The following RGS21 variants were observed in gnomAD, a reference collection of about 807,000 sequenced individuals.
RGS21 encodes the protein regulator of G protein signaling 21.
A neutral mutation model predicts 18.7 loss-of-function variants in RGS21; 19 were observed. The ratio of observed to expected loss-of-function variants is 1.01; its 90% confidence interval spans 0.71 to 1.49. The LOEUF (loss-of-function observed/expected upper bound fraction) is 1.49. RGS21 is among the 40% of genes most tolerant of loss of function. The pLI, the probability that RGS21 is intolerant of heterozygous loss-of-function variation, is 0.00. For synonymous variants in RGS21, 56 were observed against 57.8 expected, an observed-to-expected ratio of 0.97 and a Z score of 0.14; for missense variants, 194 against 176.8, an observed-to-expected ratio of 1.10 and a Z score of -0.55.
chr1:192,324,547 G>A (rs1177038378), intron 1 of RGS21, among the ~76,000 whole-genome samples: 4 of 151,842 alleles, frequency 2.6e-5, no homozygotes, highest in Non-Finnish European at 5.9e-5. Context: ...TGATTATGTT[G>A]CACTTGGAAA....
Position 192,333,269 on chromosome 1 carries a change from TACAC to T in RGS21, c.-60-9677_-60-9674del, listed in dbSNP as rs137948736. Among the ~76,000 whole-genome samples the T allele has an allele frequency of 3.3e-3, 469 of 142,970 alleles. 1 individual carries two copies. Among genetic ancestry groups the T allele is most frequent in the East Asian group, 0.013 (62 of 4,906 alleles). 93.8% of individuals were successfully genotyped at this position (142,970 alleles called of 152,430 possible). A position where few individuals can be genotyped will look rare whatever the true frequency, so the allele number is the denominator to read the frequency against. The stretch of plus-strand genomic sequence containing the variant: ...GAAAATAATTTGGCAGTTTCTTAAA[TACAC>T]ACACACACACACACACACACACACA... On this transcript the variant is annotated intron_variant, in intron 1 of 4. Coordinates refer to ENST00000417209, the MANE Select transcript of RGS21 (RefSeq NM_001039152.3).
intron 1 of RGS21, among the ~76,000 whole-genome samples, chr1:192,317,722 T>C (rs1658439920): frequency 6.6e-6 from 1 of 152,014 alleles, no homozygotes; most frequent in South Asian, 2.1e-4. Flanking sequence ...TTCAACAATG[T>C]TTACAGTTTT....
intron 1 of RGS21, among the ~76,000 whole-genome samples, chr1:192,320,508 G>GTGTATGTGTATA (rs1658480629): frequency 7.6e-6 from 1 of 132,266 alleles, no homozygotes; most frequent in Non-Finnish European, 1.8e-5. Flanking sequence ...GAATGTGTAT[G>GTGTATGTGTATA]TGTATGTGTA....
At chr1:192,342,493 T>C (rs1658885402) in intron 1 of RGS21, among the ~76,000 whole-genome samples, 2 of 151,956 alleles carry the variant, frequency 1.3e-5, no homozygotes, top group South Asian at 4.1e-4. Context: ...AACATTTTAG[T>C]TCATGAATAA....
intron 3 of RGS21, among the ~76,000 whole-genome samples, chr1:192,348,233 C>T (rs1658985122): frequency 6.6e-6 from 1 of 151,948 alleles, no homozygotes; most frequent in South Asian, 2.1e-4. Flanking sequence ...GCCACATTAG[C>T]CAGGCTGGTC....
chr1:192,328,967 T>C (rs898870167), intron 1 of RGS21, among the ~76,000 whole-genome samples: 8 of 152,154 alleles, frequency 5.3e-5, no homozygotes, highest in African/African-American at 1.9e-4. Context: ...CTTACTCCTT[T>C]AAAATGTTAT....
chr1:192,337,676 A>G (rs1194312801), intron 1 of RGS21, among the ~76,000 whole-genome samples: 1 of 152,140 alleles, frequency 6.6e-6, no homozygotes, highest in Non-Finnish European at 1.5e-5. Context: ...GTGTTCTAAA[A>G]ATATTCAGCT....
At chr1:192,358,200 C>T (rs1314846414) in intron 4 of RGS21, among the ~76,000 whole-genome samples, 6 of 151,978 alleles carry the variant, frequency 3.9e-5, no homozygotes, top group Non-Finnish European at 7.4e-5. Context: ...GCTTTGACTA[C>T]TTGTCTAATT....
chr1:192,350,483 C>T (rs1022878995), intron 3 of RGS21, among the ~76,000 whole-genome samples: 32 of 152,100 alleles, frequency 2.1e-4, no homozygotes, highest in African/African-American at 6.8e-4. Context: ...CTTATTCCTC[C>T]TGTACTTTGG....
chr1:192,358,484 T>C (rs1461505498), intron 4 of RGS21, among the ~76,000 whole-genome samples: 1 of 152,000 alleles, frequency 6.6e-6, no homozygotes, highest in Non-Finnish European at 1.5e-5. Flanking sequence ...AAGAATTAGG[T>C]AACCAAAAAT....
At chr1:192,357,099 T>C (rs1478832824) in intron 4 of RGS21, among the ~76,000 whole-genome samples, 2 of 151,776 alleles carry the variant, frequency 1.3e-5, no homozygotes, top group Non-Finnish European at 2.9e-5. Context: ...GGTGAGATGG[T>C]AGTTTGCAAC....
Position 192,336,276 on chromosome 1 carries a change from G to T in RGS21, c.-60-6701G>T, listed in dbSNP as rs548454298. ...TCGAGACCAGCCTAGCCAACATGGTGAAACCCCATCTCTAATAAAAATACA... is the reference window on the plus strand; with the variant it reads ...TCGAGACCAGCCTAGCCAACATGGTTAAACCCCATCTCTAATAAAAATACA... On this transcript the variant is annotated intron_variant, in intron 1 of 4. Transcript: ENST00000417209. Among the ~76,000 whole-genome samples the T allele has an allele frequency of 3.2e-4, 49 of 152,148 alleles. No individual in the cohort carries two copies. In the Middle Eastern group the frequency reaches 0.014, roughly 42 times the overall value.
intron 1 of RGS21, among the ~76,000 whole-genome samples, chr1:192,321,871 T>C (rs1037884482): frequency 1.3e-5 from 2 of 152,004 alleles, no homozygotes; most frequent in African/African-American, 4.8e-5. Flanking sequence ...TTGAAAACTT[T>C]GACTAAAAAA....
intron 1 of RGS21, among the ~76,000 whole-genome samples, chr1:192,327,457 C>CT (rs111455117): frequency 3.3e-5 from 5 of 151,030 alleles, no homozygotes; most frequent in Admixed American, 6.6e-5. Flanking sequence ...TTAAAACATT[C>CT]TTTTTTTTTA....
intron 1 of RGS21, among the ~76,000 whole-genome samples, chr1:192,332,810 C>T (rs551711340): frequency 1.7e-4 from 26 of 152,132 alleles, no homozygotes; most frequent in African/African-American, 5.5e-4. Flanking sequence ...GCTACTCCGG[C>T]GGCTGAGGCA....
At chr1:192,338,418 A>T (rs1015618059) in intron 1 of RGS21, among the ~76,000 whole-genome samples, 5 of 152,156 alleles carry the variant, frequency 3.3e-5, no homozygotes, top group African/African-American at 1.2e-4. Flanking sequence ...TAAAAAAATA[A>T]TTAATCTTTC....
At chr1:192,365,088 A>T (rs1292780909) in intron 4 of RGS21, among the ~76,000 whole-genome samples, 2 of 150,796 alleles carry the variant, frequency 1.3e-5, no homozygotes, top group Admixed American at 1.3e-4. Flanking sequence ...GTGAGCCTAG[A>T]TTGTGCCATT....
intron 2 of RGS21, among the ~76,000 whole-genome samples, chr1:192,345,712 C>CAT (rs1398960527): frequency 6.6e-6 from 1 of 152,016 alleles, no homozygotes; most frequent in Non-Finnish European, 1.5e-5. Context: ...TATTCATTAG[C>CAT]ATATGTTCCA....
intron 1 of RGS21, among the ~76,000 whole-genome samples, chr1:192,338,774 TA>T (rs2102228163): frequency 6.6e-6 from 1 of 152,246 alleles, no homozygotes; most frequent in African/African-American, 2.4e-5. Flanking sequence ...ATATAAGTGT[TA>T]CTCTACATTC....
Sources: allele counts gnomAD v4.1 joint callset (sites outside exome capture counted in the v4.1 genomes callset), GRCh38; gene constraint gnomAD v4.1.1; transcripts MANE v1.5; gene names NCBI Gene and HGNC (gene_info 2026-07-23, HGNC 2026-07-21).